VPS13A: variants seen among roughly 807,000 people sequenced by gnomAD.
VPS13A encodes the protein intermembrane lipid transfer protein VPS13A.
In VPS13A, 264 loss-of-function variants were observed where a neutral mutation model predicts 390.9. That is an observed-to-expected ratio of 0.68 (90% CI 0.61 to 0.75). The LOEUF (loss-of-function observed/expected upper bound fraction) is 0.75, where lower values mean the gene tolerates loss of function less well. VPS13A is among the 30% of genes least tolerant of loss of function. VPS13A has a pLI of 0.00. For synonymous variants in VPS13A, 1,231 were observed against 1,227.1 expected, an observed-to-expected ratio of 1.00 and a Z score of -0.07; for missense variants, 3,409 against 3,733.9, an observed-to-expected ratio of 0.91 and a Z score of 2.27.
At chr9:77,198,571 A>C (rs960438835) in intron 1 of VPS13A, among the ~76,000 whole-genome samples, 1 of 151,872 alleles carries the variant, frequency 6.6e-6, no homozygotes, top group African/African-American at 2.4e-5. Context: ...CTTTTTTTTA[A>C]ATCTTTTTGC....
chr9:77,248,078 A>C (rs992047262), intron 20 of VPS13A, among the ~76,000 whole-genome samples: 3 of 152,226 alleles, frequency 2.0e-5, no homozygotes. Context: ...AATTGTGGAA[A>C]CAATCAAATA....
At chr9:77,297,774 T>C (rs988552892) in intron 33 of VPS13A, among the ~76,000 whole-genome samples, 10 of 152,060 alleles carry the variant, frequency 6.6e-5, no homozygotes, top group Non-Finnish European at 1.3e-4. Context: ...CATTGGGTTG[T>C]TGTGGTAGGT....
At chr9:77,282,309 T>G in intron 29 of VPS13A, 35 bp downstream of exon 29, 2 of 1,589,248 alleles carry the variant, frequency 1.3e-6, no homozygotes, top group Non-Finnish European at 1.7e-6. Flanking sequence ...CAACTTTTTT[T>G]TTTTTTAACC....
intron 26 of VPS13A, among the ~76,000 whole-genome samples, chr9:77,279,563 C>G (rs1049636704): frequency 1.3e-5 from 2 of 152,078 alleles, no homozygotes; most frequent in African/African-American, 2.4e-5. Flanking sequence ...AATGCTTGTT[C>G]TCGTTTAGGG....
chr9:77,204,384 G>A (rs1413604919), intron 3 of VPS13A, among the ~76,000 whole-genome samples: 5 of 151,548 alleles, frequency 3.3e-5, no homozygotes, highest in South Asian at 2.1e-4. Flanking sequence ...GAACCCTTAC[G>A]CTTAAAAAAA....
chr9:77,401,952 A>C lies in VPS13A; in HGVS notation c.9190-1284A>C, dbSNP rs572854790. On this transcript the variant is annotated intron_variant, in intron 68 of 71. Transcript: ENST00000360280. ...ATTAAACTTTATCATAGGTGTGTGTATATAGGAAAAACCATAGAATATATG... is the reference window on the plus strand; with the variant it reads ...ATTAAACTTTATCATAGGTGTGTGTCTATAGGAAAAACCATAGAATATATG... Among the ~76,000 whole-genome samples the C allele has an allele frequency of 2.1e-3, 315 of 152,330 alleles. 2 individuals are homozygous for C. Among genetic ancestry groups the C allele is most frequent in the African/African-American group, 7.2e-3 (299 of 41,576 alleles).
chr9:77,399,740 C>T (rs1834289527), intron 68 of VPS13A, among the ~76,000 whole-genome samples: 1 of 152,146 alleles, frequency 6.6e-6, no homozygotes, highest in Non-Finnish European at 1.5e-5. Flanking sequence ...TTAACTTCTG[C>T]CTCCACCATT....
rs1030190388 is a variant in VPS13A at position 77,411,960 on chromosome 9, A to G, written c.9475-3996A>G. ...ACAAACTACCATCAGAGAATGCTATAAACACCTCTATGCAAATAAACTAGA... is the reference window on the plus strand; with the variant it reads ...ACAAACTACCATCAGAGAATGCTATGAACACCTCTATGCAAATAAACTAGA... On this transcript the variant is annotated intron_variant, in intron 71 of 71. Coordinates refer to ENST00000360280, the MANE Select transcript of VPS13A (RefSeq NM_033305.3). 3.3e-5 allele frequency among the ~76,000 whole-genome samples: 5 copies of G among 152,176 alleles called. No homozygotes were observed. The East Asian group carries it at 9.6e-4, about 29-fold the overall frequency.
intron 33 of VPS13A, among the ~76,000 whole-genome samples, chr9:77,297,872 T>G (rs1828108790): frequency 6.6e-6 from 1 of 152,030 alleles, no homozygotes; most frequent in Non-Finnish European, 1.5e-5. Context: ...GAGACAAAAC[T>G]AGAGGTTGGA....
At chr9:77,404,859 C>T (rs1258011275) in intron 69 of VPS13A, among the ~76,000 whole-genome samples, 1 of 152,164 alleles carries the variant, frequency 6.6e-6, no homozygotes, top group East Asian at 1.9e-4. Context: ...TGGGGCACCA[C>T]TAGGTTTGCT....
At chr9:77,294,160 A>G (rs1378876986) in intron 32 of VPS13A, among the ~76,000 whole-genome samples, 1 of 151,966 alleles carries the variant, frequency 6.6e-6, no homozygotes, top group Non-Finnish European at 1.5e-5. Flanking sequence ...GCCTCAAGTG[A>G]TCCTCCTGCT....
In VPS13A at chr9:77,199,938, T is replaced by G; in HGVS notation, c.101-7T>G. ...ATTGTTTGAATCTTTTTTTTAATCT[T>G]TTTTAGGAGCTGTGGCCCTCAAGAA... On this transcript the variant is annotated splice_polypyrimidine_tract_variant and splice_region_variant and intron_variant, in intron 1 of 71. Transcript: ENST00000360280. 1.2e-6 allele frequency: 2 copies of G among 1,600,224 alleles called. No individual in the cohort carries two copies. The highest frequency in any genetic ancestry group is 1.7e-6 in the Non-Finnish European group (2 of 1,175,010).
At chr9:77,261,589 A>AAT (rs1825766087) in intron 23 of VPS13A, among the ~76,000 whole-genome samples, 2 of 140,388 alleles carry the variant, frequency 1.4e-5, no homozygotes, top group African/African-American at 5.4e-5. Context: ...AAAAAAAAAA[A>AAT]TTTTTTTTTT....
intron 1 of VPS13A, chr9:77,178,007 G>A (rs1265347639): frequency 1.8e-6 from 1 of 559,742 alleles, no homozygotes; most frequent in Middle Eastern, 4.9e-4. Context: ...TATTTTGGGG[G>A]AAAGGAGAGG....
At chr9:77,397,971 T>C (rs1316028010) in intron 68 of VPS13A, among the ~76,000 whole-genome samples, 1 of 152,248 alleles carries the variant, frequency 6.6e-6, no homozygotes, top group Non-Finnish European at 1.5e-5. Flanking sequence ...ACTGGCATTG[T>C]TAATTCCTTC....
chr9:77,340,625 A>C (rs1335554121), intron 50 of VPS13A, 75 bp downstream of exon 50: 3 of 1,572,820 alleles, frequency 1.9e-6, no homozygotes, highest in Non-Finnish European at 2.6e-6. Flanking sequence ...TAAAGTCACC[A>C]TGTAATGTTT....
intron 68 of VPS13A, among the ~76,000 whole-genome samples, chr9:77,388,177 G>T (rs1305144643): frequency 6.6e-6 from 1 of 152,156 alleles, no homozygotes; most frequent in Non-Finnish European, 1.5e-5. Flanking sequence ...ATGTGAAAAT[G>T]TCAATTTATT....
chr9:77,337,371 A>G lies in VPS13A; in HGVS notation c.6212A>G (p.Asn2071Ser). The part of the protein sequence containing the change: ...ALLKKKCRSK[N>S]PSKESFLINI... ...CTAAAGAAGAAATGTAGATCTAAAA[A>G]CCCTTCTAAGGAATCATTTCTCATT... is the stretch of plus-strand genomic sequence containing the variant. Residue 2071 changes from asparagine (N) to serine (S), a missense_variant, in exon 47 of 72, where the codon AAC becomes AGC. By Grantham distance (46) the Asn-to-Ser change is conservative. Around this residue, in one of 5 missense-constraint regions of VPS13A, gnomAD observed 2,717 missense variants for 2,917.4 expected, o/e 0.93. Transcript: ENST00000360280. 1 of 1,612,764 alleles carries G rather than the reference A, an allele frequency of 6.2e-7. No individual in the cohort carries two copies. Among genetic ancestry groups the G allele is most frequent in the Non-Finnish European group, 8.5e-7 (1 of 1,179,116 alleles).
At chr9:77,411,138 T>G (rs1384396123) in intron 71 of VPS13A, among the ~76,000 whole-genome samples, 5 of 152,092 alleles carry the variant, frequency 3.3e-5, no homozygotes, top group Non-Finnish European at 7.4e-5. Flanking sequence ...AGAAACTCAC[T>G]TAAAACCACT....
Sources: gnomAD v4.1 joint callset for allele counts (sites outside exome capture counted in the v4.1 genomes callset) on GRCh38, gnomAD v4.1.1 for gene constraint, gnomAD v4.1.1 regional missense constraint, MANE v1.5 for transcripts, NCBI Gene and HGNC (gene_info 2026-07-23, HGNC 2026-07-21) for gene names.